Variants in KIF20B observed in about 807,000 individuals in gnomAD.
KIF20B encodes kinesin family member 20B, also known as kinesin-like protein KIF20B.
A neutral mutation model predicts 232.5 loss-of-function variants in KIF20B; 188 were observed. The ratio of observed to expected loss-of-function variants is 0.81; its 90% CI spans 0.72 to 0.91. KIF20B has a LOEUF of 0.91. Among genes scored for constraint, KIF20B ranks in the 40% least tolerant of loss-of-function variants. The pLI is 0.00. For missense variants in KIF20B, 2,154 were observed against 2,055.9 expected, an observed-to-expected ratio of 1.05 and a Z score of -0.92; for synonymous variants, 712 against 683.0, an observed-to-expected ratio of 1.04 and a Z score of -0.66.
chr10:89,733,362 C>A (rs1437305169), intron 19 of KIF20B, among the ~76,000 whole-genome samples: 1 of 152,030 alleles, frequency 6.6e-6, no homozygotes, highest in Non-Finnish European at 1.5e-5. Flanking sequence ...GTATTTTCTG[C>A]CTAAATCCCA....
In KIF20B at chr10:89,774,751, A is replaced by G. The variant is rs938350236; in HGVS notation, c.*703A>G. 1 of 151,924 alleles carries G rather than the reference A, an allele frequency of 6.6e-6. No homozygotes were observed. The highest frequency in any genetic ancestry group is 1.5e-5 in the Non-Finnish European group (1 of 67,910). The allele number at this position is 151,924 out of a possible 1,614,324, so 9.4% of individuals were successfully genotyped here. Reference sequence around the variant, plus strand: ...AGTTATTATTGATTATAGTCACTCTATTGTGCTATCAGATAGTAGATCATT... The same window carrying G: ...AGTTATTATTGATTATAGTCACTCTGTTGTGCTATCAGATAGTAGATCATT... On this transcript the variant is annotated 3_prime_UTR_variant, in exon 33 of 33. Transcript: ENST00000371728.
At position 89,758,810 on chromosome 10, in the gene KIF20B, G is replaced by A; in HGVS notation, c.4608G>A (p.Leu1536=). 6.2e-7 allele frequency: 1 copy of A among 1,606,502 alleles called. No individual in the cohort carries two copies. Among genetic ancestry groups the A allele is most frequent in the Non-Finnish European group, 8.5e-7 (1 of 1,176,132 alleles). ...VAALEIQLKA[L]ISSNVQKDNE... ...CTTTAGAAATACAGCTAAAAGCACT[G>A]ATATCCAGTAATGTACAGAAAGATA... is the stretch of plus-strand genomic sequence containing the variant. Residue 1536 remains leucine (L), a synonymous_variant, in exon 27 of 33, where the codon CTG becomes CTA. Coordinates refer to ENST00000371728, the MANE Select transcript of KIF20B (RefSeq NM_001284259.2).
chr10:89,768,985 A>G (rs1308077126), intron 31 of KIF20B, 97 bp downstream of exon 31: 9 of 995,008 alleles, frequency 9.0e-6, no homozygotes, highest in African/African-American at 1.7e-5. Context: ...TTCAGGGAAT[A>G]TTATACTTCA....
intron 2 of KIF20B, among the ~76,000 whole-genome samples, chr10:89,706,593 C>G (rs1407776919): frequency 1.3e-5 from 2 of 150,770 alleles, no homozygotes; most frequent in Non-Finnish European, 3.0e-5. Context: ...TATAGGGACC[C>G]AGGTTAACTT....
chr10:89,705,315 A>AGAGG lies in KIF20B; in HGVS notation c.25_28dup (p.Val10GlyfsTer10). On this transcript the variant is annotated frameshift_variant, in exon 2 of 33. Coordinates refer to ENST00000371728, the MANE Select transcript of KIF20B (RefSeq NM_001284259.2). LOFTEE classifies it high-confidence loss of function. ...GCAGAATGGAATCTAATTTTAATCAAGAGGGAGTACCTCGACCATCTTATG... is the reference window on the plus strand; with the variant it reads ...GCAGAATGGAATCTAATTTTAATCAAGAGGGAGGGAGTACCTCGACCATCTTATG... The AGAGG allele has an allele frequency of 6.2e-7, 1 of 1,613,928 alleles. No individual in the cohort carries two copies. The highest frequency in any genetic ancestry group is 8.5e-7 in the Non-Finnish European group (1 of 1,179,928).
Position 89,709,923 on chromosome 10 carries a change from T to G in KIF20B, c.352-4T>G. ...AAAAGAGTTTTTAAAAAATGTTTGC[T>G]TAGGTTTTTGGCCCAGCAACTACAC... On this transcript the variant is annotated splice_region_variant and splice_polypyrimidine_tract_variant and intron_variant, in intron 4 of 32. Coordinates refer to ENST00000371728, the MANE Select transcript of KIF20B (RefSeq NM_001284259.2). 1 of 1,566,726 alleles carries G rather than the reference T, an allele frequency of 6.4e-7. No individual in the cohort carries two copies. Among genetic ancestry groups the G allele is most frequent in the Middle Eastern group, 1.7e-4 (1 of 5,808 alleles).
chr10:89,705,378 A>C lies in KIF20B; in HGVS notation c.84A>C (p.Ile28=). The C allele has an allele frequency of 6.2e-7, 1 of 1,614,010 alleles. No individual in the cohort carries two copies. The highest frequency in any genetic ancestry group is 8.5e-7 in the Non-Finnish European group (1 of 1,179,912). The stretch of plus-strand genomic sequence containing the variant: ...ACCCAATTGCAAGGCCTTCAGAAAT[A>C]AATTTCGATGGCATTAAGCTTGATC... The part of the protein sequence containing the change: ...SADPIARPSE[I]NFDGIKLDLS... The change falls in exon 2 of 33, where the codon ATA becomes ATC. Residue 28 remains isoleucine, a synonymous_variant. Coordinates refer to ENST00000371728, the MANE Select transcript of KIF20B (RefSeq NM_001284259.2).
intron 26 of KIF20B, 66 bp downstream of exon 26, chr10:89,754,739 G>C: frequency 1.7e-6 from 2 of 1,205,284 alleles, no homozygotes; most frequent in East Asian, 5.5e-5. Flanking sequence ...TGTATTGCTG[G>C]AATTAACAGT....
At chr10:89,720,501 T>C (rs1273212936) in intron 13 of KIF20B, among the ~76,000 whole-genome samples, 1 of 152,200 alleles carries the variant, frequency 6.6e-6, no homozygotes, top group Non-Finnish European at 1.5e-5. Flanking sequence ...TTATAGACCA[T>C]GTGAGTATCC....
intron 9 of KIF20B, among the ~76,000 whole-genome samples, chr10:89,717,120 A>G (rs1589855102): frequency 6.6e-6 from 1 of 152,174 alleles, no homozygotes; most frequent in Admixed American, 6.5e-5. Flanking sequence ...ACATAATATC[A>G]TTTTAACTAA....
At chr10:89,731,434 A>T (rs1240008896) in intron 18 of KIF20B, among the ~76,000 whole-genome samples, 1 of 152,226 alleles carries the variant, frequency 6.6e-6, no homozygotes, top group South Asian at 2.1e-4. Context: ...ACTTAAATAC[A>T]TACAAATATA....
At chr10:89,760,718 G>T in intron 28 of KIF20B, 82 bp downstream of exon 28, 1 of 815,712 alleles carries the variant, frequency 1.2e-6, no homozygotes, top group South Asian at 1.5e-5. Flanking sequence ...AGTTGCTGAA[G>T]ATACCTTACT....
intron 19 of KIF20B, among the ~76,000 whole-genome samples, chr10:89,734,274 G>A (rs1388516822): frequency 1.3e-4 from 20 of 152,138 alleles, no homozygotes; most frequent in Admixed American, 1.3e-3. Flanking sequence ...AGCCTGGTGT[G>A]GTGGTGCATG....
chr10:89,767,068 A>G (rs1053939729), intron 29 of KIF20B, among the ~76,000 whole-genome samples: 6 of 151,976 alleles, frequency 3.9e-5, no homozygotes, highest in African/African-American at 1.4e-4. Flanking sequence ...TCATGTAGAA[A>G]CTTTAAATTT....
intron 1 of KIF20B, among the ~76,000 whole-genome samples, chr10:89,703,631 T>A (rs1401689173): frequency 1.3e-5 from 2 of 152,206 alleles, no homozygotes; most frequent in African/African-American, 4.8e-5. Context: ...AAATGTTGGG[T>A]GCAGTTTCAT....
Position 89,729,289 on chromosome 10 carries a change from C to T in KIF20B, c.2391+42C>T, listed in dbSNP as rs141071503. ...GTGTTATATTAATAAATTAGATAAG[C>T]ATATGTTTTGGTTGAAAGGAAATAA... On this transcript the variant is annotated intron_variant, in intron 18 of 32. Transcript: ENST00000371728. The T allele has an allele frequency of 4.2e-4, 596 of 1,403,258 alleles. 2 individuals carry two copies. The African/African-American group carries it at 8.0e-3, about 19-fold the overall frequency. The allele number at this position is 1,403,258 out of a possible 1,614,324, so 86.9% of individuals were successfully genotyped here. A position where few individuals can be genotyped will look rare whatever the true frequency, so the allele number is the denominator to read the frequency against.
intron 2 of KIF20B, among the ~76,000 whole-genome samples, 179 bp downstream of exon 2, chr10:89,705,620 A>C (rs570355820): frequency 3.7e-4 from 57 of 152,338 alleles, no homozygotes; most frequent in African/African-American, 1.4e-3. Context: ...ATAACATAAA[A>C]ATTATATGAA....
In KIF20B at chr10:89,729,135, T is replaced by C; in HGVS notation, c.2279T>C (p.Ile760Thr). 1 of 1,411,810 alleles carries C rather than the reference T, an allele frequency of 7.1e-7. No homozygotes were observed. Among genetic ancestry groups the C allele is most frequent in the Non-Finnish European group, 9.5e-7 (1 of 1,055,860 alleles). The allele number at this position is 1,411,810 out of a possible 1,614,324, so 87.5% of individuals were successfully genotyped here. A position where few individuals can be genotyped will look rare whatever the true frequency, so the allele number is the denominator to read the frequency against. ...TTTTTCTTCTTTCCAAAGAAAATAATTACACAGAATCAAAGAATTAAAGAA... is the reference window on the plus strand; with the variant it reads ...TTTTTCTTCTTTCCAAAGAAAATAACTACACAGAATCAAAGAATTAAAGAA... ...QELETSNKKI[I>T]TQNQRIKELI... Residue 760 changes from isoleucine (I) to threonine (T), a missense_variant, in exon 18 of 33, where the codon ATT becomes ACT. Transcript: ENST00000371728.
In KIF20B at chr10:89,705,381, T is replaced by A; in HGVS notation, c.87T>A (p.Asn29Lys). 1.2e-6 allele frequency: 2 copies of A among 1,614,028 alleles called. No homozygotes were observed. Among genetic ancestry groups the A allele is most frequent in the Non-Finnish European group, 1.7e-6 (2 of 1,179,952 alleles). Residue 29 changes from asparagine to lysine, a missense_variant, in exon 2 of 33, where the codon AAT becomes AAA. Physicochemically the swap from Asn to Lys is moderately conservative, Grantham distance 94. Coordinates refer to ENST00000371728, the MANE Select transcript of KIF20B (RefSeq NM_001284259.2). ...CAATTGCAAGGCCTTCAGAAATAAA[T>A]TTCGATGGCATTAAGCTTGATCTGT... ...ADPIARPSEI[N>K]FDGIKLDLSH... is the part of the protein sequence containing the mutation.
Sources: allele counts gnomAD v4.1 joint callset (sites outside exome capture counted in the v4.1 genomes callset), GRCh38; gene constraint gnomAD v4.1.1; transcripts MANE v1.5; gene names NCBI Gene and HGNC (gene_info 2026-07-23, HGNC 2026-07-21).